Variants in SEL1L2 observed in about 807,000 individuals in gnomAD.
The protein encoded by SEL1L2 is SEL1L2 adaptor subunit of SYVN1 ubiquitin ligase, also known as protein sel-1 homolog 2.
Under a neutral mutation model 98.8 loss-of-function variants are expected in SEL1L2, and 89 were observed. That is an observed-to-expected ratio of 0.90 (90% confidence interval 0.76 to 1.07). The LOEUF (loss-of-function observed/expected upper bound fraction) is 1.07, where lower values mean the gene tolerates loss of function less well. SEL1L2 is among the 50% of genes least tolerant of loss of function. The probability of loss-of-function intolerance (pLI) is 0.00; values close to 1 mark genes in which losing one functional copy is unlikely to be tolerated. For missense variants in SEL1L2, 788 were observed against 812.0 expected, an observed-to-expected ratio of 0.97 and a Z score of 0.36; for synonymous variants, 262 against 278.5, an observed-to-expected ratio of 0.94 and a Z score of 0.59.
intron 2 of SEL1L2, among the ~76,000 whole-genome samples, chr20:13,951,471 C>T (rs1232081279): frequency 3.7e-5 from 5 of 135,822 alleles, no homozygotes; most frequent in Non-Finnish European, 7.9e-5. Context: ...CATGGTGTCA[C>T]GCACCTACAG....
intron 1 of SEL1L2, among the ~76,000 whole-genome samples, chr20:13,977,189 G>A (rs78853608): frequency 0.019 from 2,901 of 152,252 alleles, 35 homozygotes; most frequent in Non-Finnish European, 0.032. Flanking sequence ...AGGAGGGTAT[G>A]AGATATAGAC....
intron 9 of SEL1L2, 85 bp from the exon 10 acceptor site, chr20:13,885,488 A>C: frequency 1.1e-6 from 1 of 900,370 alleles, no homozygotes; most frequent in South Asian, 1.3e-5. Context: ...TTACTTTAGT[A>C]TGTTGATTGT....
chr20:13,882,812 C>CTTT (rs759286946), intron 10 of SEL1L2, among the ~76,000 whole-genome samples: 1,172 of 107,214 alleles, frequency 0.011, 14 homozygotes, highest in Non-Finnish European at 0.015. Context: ...GTCAATTTGT[C>CTTT]TTTTTTTTTT....
intron 1 of SEL1L2, among the ~76,000 whole-genome samples, chr20:13,980,449 C>G (rs998316073): frequency 6.6e-6 from 1 of 152,160 alleles, no homozygotes; most frequent in African/African-American, 2.4e-5. Context: ...CTCAGGTGAT[C>G]CACCTGCCTC....
intron 12 of SEL1L2, among the ~76,000 whole-genome samples, chr20:13,872,383 G>T (rs947204163): frequency 1.3e-5 from 2 of 152,144 alleles, no homozygotes; most frequent in Non-Finnish European, 2.9e-5. Flanking sequence ...GTTCTCATGC[G>T]ATCTGATGGC....
intron 2 of SEL1L2, among the ~76,000 whole-genome samples, chr20:13,934,732 A>C (rs970378821): frequency 6.6e-6 from 1 of 151,512 alleles, no homozygotes; most frequent in African/African-American, 2.4e-5. Flanking sequence ...TTCACATAGC[A>C]GTGTAGAAGT....
intron 3 of SEL1L2, among the ~76,000 whole-genome samples, chr20:13,929,897 C>A (rs940413703): frequency 3.3e-5 from 5 of 152,096 alleles, no homozygotes; most frequent in Non-Finnish European, 5.9e-5. Flanking sequence ...CTTAAGTGAA[C>A]TTCCTGCCTC....
chr20:13,849,710 T>G, intron 19 of SEL1L2, 106 bp from the exon 20 acceptor site: 1 of 1,319,166 alleles, frequency 7.6e-7, no homozygotes, highest in Non-Finnish European at 1.0e-6. Context: ...TCCCACCCAT[T>G]CCCTTTGCTT....
chr20:13,891,343 G>A (rs2047195424), intron 5 of SEL1L2, among the ~76,000 whole-genome samples: 1 of 152,102 alleles, frequency 6.6e-6, no homozygotes, highest in African/African-American at 2.4e-5. Flanking sequence ...GACCAGAAAA[G>A]GATGGGATAA....
intron 2 of SEL1L2, among the ~76,000 whole-genome samples, chr20:13,943,166 C>T (rs1600852651): frequency 1.3e-5 from 2 of 152,126 alleles, no homozygotes; most frequent in African/African-American, 4.8e-5. Context: ...TTTGCATATC[C>T]ACCTTCTAAT....
intron 1 of SEL1L2, among the ~76,000 whole-genome samples, chr20:13,988,495 T>C (rs1265889301): frequency 1.3e-5 from 2 of 152,242 alleles, no homozygotes; most frequent in Non-Finnish European, 2.9e-5. Flanking sequence ...ATAAGTGTGA[T>C]AGTTTACTTG....
intron 15 of SEL1L2, 24 bp downstream of exon 15, chr20:13,866,678 A>G: frequency 6.7e-7 from 1 of 1,502,752 alleles, no homozygotes; most frequent in South Asian, 1.4e-5. Flanking sequence ...AAGTGCTTTA[A>G]AAACAGCCGC....
At chr20:13,870,363 T>C in intron 12 of SEL1L2, 160 bp from the exon 13 acceptor site, 1 of 558,872 alleles carries the variant, frequency 1.8e-6, no homozygotes, top group Non-Finnish European at 3.2e-6. Context: ...TTTTATACTT[T>C]CATAAACCTT....
intron 12 of SEL1L2, among the ~76,000 whole-genome samples, chr20:13,870,569 A>C (rs1050040034): frequency 1.3e-5 from 2 of 152,264 alleles, no homozygotes; most frequent in South Asian, 4.1e-4. Flanking sequence ...GAGCCATATC[A>C]AAGGGGAGGG....
chr20:13,942,568 T>C (rs1197567269), intron 2 of SEL1L2, among the ~76,000 whole-genome samples: 1 of 152,156 alleles, frequency 6.6e-6, no homozygotes, highest in Non-Finnish European at 1.5e-5. Flanking sequence ...ACCCCTGCCC[T>C]AGGTAATAGT....
At chr20:13,903,627 AC>A (rs2047783784) in intron 5 of SEL1L2, among the ~76,000 whole-genome samples, 1 of 152,210 alleles carries the variant, frequency 6.6e-6, no homozygotes, top group South Asian at 2.1e-4. Context: ...AGCCTGATCA[AC>A]ATGGTGAAAC....
intron 2 of SEL1L2, among the ~76,000 whole-genome samples, chr20:13,937,379 T>A (rs1184967603): frequency 2.0e-5 from 3 of 152,140 alleles, no homozygotes; most frequent in Non-Finnish European, 4.4e-5. Context: ...CTGGGGGAAG[T>A]GGGTGGAGCC....
intron 5 of SEL1L2, among the ~76,000 whole-genome samples, chr20:13,906,425 G>T (rs975090483): frequency 1.3e-5 from 2 of 152,018 alleles, no homozygotes; most frequent in Admixed American, 6.6e-5. Context: ...CATGAAGCTC[G>T]AAAGCACCTG....
intron 1 of SEL1L2, among the ~76,000 whole-genome samples, chr20:13,980,754 G>C (rs1375965900): frequency 6.6e-6 from 1 of 152,156 alleles, no homozygotes; most frequent in Admixed American, 6.5e-5. Context: ...ATCAATGGAT[G>C]AATGGATGAA....
Sources: gnomAD v4.1 joint callset for allele counts (sites outside exome capture counted in the v4.1 genomes callset) on GRCh38, gnomAD v4.1.1 for gene constraint, MANE v1.5 for transcripts, NCBI Gene and HGNC (gene_info 2026-07-23, HGNC 2026-07-21) for gene names.